The following PLIN2 variants were observed in gnomAD, a reference collection of about 807,000 sequenced individuals.
PLIN2 encodes the protein perilipin 2.
In PLIN2, 33 loss-of-function variants were observed where a neutral mutation model predicts 30.6. The observed-to-expected ratio is 1.08, with a 90% CI of 0.82 to 1.44. PLIN2 has a LOEUF of 1.44. Ranked by LOEUF, PLIN2 falls within the 40% of genes most tolerant of loss-of-function variation. PLIN2 has a pLI of 0.00. For missense variants in PLIN2, 610 were observed against 531.8 expected, an observed-to-expected ratio of 1.15 and a Z score of -1.45; for synonymous variants, 205 against 201.1, an observed-to-expected ratio of 1.02 and a Z score of -0.16.
At chr9:19,118,286 C>T (rs1172999944) in intron 7 of PLIN2, 35 bp downstream of exon 7, 3 of 1,563,010 alleles carry the variant, frequency 1.9e-6, no homozygotes, top group Non-Finnish European at 1.7e-6. Context: ...AGAACTTCTT[C>T]AGCAACCAAC....
Position 19,116,380 on chromosome 9 carries a change from G to A in PLIN2, c.1182C>T (p.Asn394=). ...SLDDVMDYLV[N]NTPLNWLVGP... is the part of the protein sequence containing the mutation. Reference sequence around the variant, plus strand: ...CTACCAGCCAGTTGAGGGGCGTGTTGTTAACAAGATAATCCATCACGTCAT... The same window carrying A: ...CTACCAGCCAGTTGAGGGGCGTGTTATTAACAAGATAATCCATCACGTCAT... Residue 394 remains asparagine (N), a synonymous_variant, in exon 8 of 8, where the codon AAC becomes AAT. Transcript: ENST00000276914. The A allele has an allele frequency of 6.2e-7, 1 of 1,614,186 alleles. No individual in the cohort carries two copies. Among genetic ancestry groups the A allele is most frequent in the Middle Eastern group, 1.7e-4 (1 of 6,058 alleles).
Position 19,126,397 on chromosome 9 carries a change from C to G in PLIN2, c.30G>C (p.Pro10=). 1 of 1,613,852 alleles carries G rather than the reference C, an allele frequency of 6.2e-7. No homozygotes were observed. The highest frequency in any genetic ancestry group is 1.1e-5 in the South Asian group (1 of 91,072). Reference sequence around the variant, plus strand: ...GACAAAGGCTACTCAAAATTCATACCGGTTGTGGATCAACTGCAACGGATG... The same window carrying G: ...GACAAAGGCTACTCAAAATTCATACGGGTTGTGGATCAACTGCAACGGATG... The part of the protein sequence containing the change: MASVAVDPQ[P]SVVTRVVNLP... Residue 10 remains proline, a splice_region_variant and synonymous_variant, in exon 2 of 8, where the codon CCG becomes CCC. Transcript: ENST00000276914.
downstream of PLIN2, chr9:19,115,680 C>T (rs890914198): frequency 2.0e-5 from 3 of 152,224 alleles, no homozygotes; most frequent in African/African-American, 7.2e-5. Context: ...AATTGAAATT[C>T]ATGTATGTAT....
At position 19,116,401 on chromosome 9, in the gene PLIN2, G is replaced by T. The variant is rs764667323; in HGVS notation, c.1161C>A (p.Asp387Glu). 1 of 1,614,206 alleles carries T rather than the reference G, an allele frequency of 6.2e-7. No individual in the cohort carries two copies. Among genetic ancestry groups the T allele is most frequent in the Non-Finnish European group, 8.5e-7 (1 of 1,180,042 alleles). Reference sequence around the variant, plus strand: ...TGTTGTTAACAAGATAATCCATCACGTCATCTAAAGATTCCTTCATTTTCT... The same window carrying T: ...TGTTGTTAACAAGATAATCCATCACTTCATCTAAAGATTCCTTCATTTTCT... ...QLQKMKESLD[D>E]VMDYLVNNTP... The change falls in exon 8 of 8, where the codon GAC becomes GAA. Residue 387 changes from aspartate (D) to glutamate (E), a missense_variant. By Grantham distance (45) the Asp-to-Glu change is conservative (BLOSUM62 2). Coordinates refer to ENST00000276914, the MANE Select transcript of PLIN2 (RefSeq NM_001122.4).
At chr9:19,120,410 T>C (rs545081263) in intron 5 of PLIN2, among the ~76,000 whole-genome samples, 1 of 152,288 alleles carries the variant, frequency 6.6e-6, no homozygotes, top group East Asian at 1.9e-4. Flanking sequence ...GATGATTCTT[T>C]GTAAGGAGGA....
Position 19,115,928 on chromosome 9 carries a change from T to G in PLIN2, c.*320A>C. 1.0e-5 allele frequency: 2 copies of G among 198,118 alleles called. No homozygotes were observed. The highest frequency in any genetic ancestry group is 2.0e-5 in the Non-Finnish European group (2 of 97,578). The allele number at this position is 198,118 out of a possible 1,614,324, so 12.3% of individuals were successfully genotyped here. ...ACACCAGTTTCTACCCCAGCCCACA[T>G]GAAGATGTTTTTATTCAATACAAAC... On this transcript the variant is annotated 3_prime_UTR_variant, in exon 8 of 8. Coordinates refer to ENST00000276914, the MANE Select transcript of PLIN2 (RefSeq NM_001122.4).
rs1818217354 is a variant in PLIN2, at chr9:19,116,129, T to C, written c.*119A>G. 4.5e-6 allele frequency: 4 copies of C among 883,788 alleles called. No homozygotes were observed. The highest frequency in any genetic ancestry group is 5.3e-5 in the Admixed American group (2 of 37,748). The allele number at this position is 883,788 out of a possible 1,614,324, so 54.7% of individuals were successfully genotyped here. On this transcript the variant is annotated 3_prime_UTR_variant, in exon 8 of 8. Transcript: ENST00000276914. ...TTAATTCAGCTGGAAACAACTACAATTGAGGGCCTTTATACTAGCTACTTG... is the reference window on the plus strand; with the variant it reads ...TTAATTCAGCTGGAAACAACTACAACTGAGGGCCTTTATACTAGCTACTTG...
chr9:19,120,916 C>A lies in PLIN2; in HGVS notation c.559G>T (p.Val187Leu). The A allele has an allele frequency of 1.2e-6, 2 of 1,614,112 alleles. No individual in the cohort carries two copies. The highest frequency in any genetic ancestry group is 1.7e-6 in the Non-Finnish European group (2 of 1,179,938). ...TCAGTGAGAGGGAGGTACTGTTCTA[C>A]CAACAGCTCTGATTTGGTGAGTGCA... Reference protein sequence around the residue: ...ENALTKSELLVEQYLPLTEEE... With the variant: ...ENALTKSELLLEQYLPLTEEE... The change falls in exon 5 of 8, where the codon GTA becomes TTA. Residue 187 changes from valine (V) to leucine (L), a missense_variant. Coordinates refer to ENST00000276914, the MANE Select transcript of PLIN2 (RefSeq NM_001122.4).
intron 4 of PLIN2, 105 bp downstream of exon 4, chr9:19,123,460 G>T (rs1360029358): frequency 1.3e-6 from 2 of 1,579,298 alleles, no homozygotes; most frequent in Non-Finnish European, 1.7e-6. Flanking sequence ...ATCCAGGTTG[G>T]GAAAACAAGT....
At chr9:19,109,043 A>G (rs1588638410) in intron 2 of PLIN2, among the ~76,000 whole-genome samples, 1 of 152,164 alleles carries the variant, frequency 6.6e-6, no homozygotes, top group South Asian at 2.1e-4. Flanking sequence ...TTACTTTCTT[A>G]AAAACAATAA....
chr9:19,123,563 A>T lies in PLIN2; in HGVS notation c.309+2T>A. Reference sequence around the variant, plus strand: ...GTCTCAGCACTTTTGTCCCAAGCTCACCTGAGTTGATGGCTGATTCAGAAT... The same window carrying T: ...GTCTCAGCACTTTTGTCCCAAGCTCTCCTGAGTTGATGGCTGATTCAGAAT... On this transcript the variant is annotated splice_donor_variant, in intron 4 of 7. Transcript: ENST00000276914. LOFTEE classifies it high-confidence loss of function. The T allele has an allele frequency of 6.2e-7, 1 of 1,614,190 alleles. No individual in the cohort carries two copies. Among genetic ancestry groups the T allele is most frequent in the East Asian group, 2.2e-5 (1 of 44,886 alleles).
At chr9:19,124,774 T>C (rs1162096083) in intron 3 of PLIN2, among the ~76,000 whole-genome samples, 2 of 152,190 alleles carry the variant, frequency 1.3e-5, no homozygotes, top group East Asian at 3.8e-4. Context: ...AAAACTTGTA[T>C]ACAAATGTTC....
rs533233579 is a variant in PLIN2, at chr9:19,119,563, A to C, written c.777+87T>G. On this transcript the variant is annotated intron_variant, in intron 6 of 7. Coordinates refer to ENST00000276914, the MANE Select transcript of PLIN2 (RefSeq NM_001122.4). ...GGGTTGTTTGTCAACTAAGAATGAAATTCTTGGATTTTGTGATTACATTTA... is the reference window on the plus strand; with the variant it reads ...GGGTTGTTTGTCAACTAAGAATGAACTTCTTGGATTTTGTGATTACATTTA... 1.1e-4 allele frequency: 89 copies of C among 790,178 alleles called. No individual in the cohort carries two copies. In the South Asian group the frequency reaches 2.0e-3, roughly 18 times the overall value. 48.9% of individuals were successfully genotyped at this position (790,178 alleles called of 1,614,324 possible). A position where few individuals can be genotyped will look rare whatever the true frequency, so the allele number is the denominator to read the frequency against.
In PLIN2 at chr9:19,127,040, A is replaced by C. The variant is rs1277289501; in HGVS notation, c.-23+379T>G. The stretch of plus-strand genomic sequence containing the variant: ...CTGGGCGACAGAGCGAGACTCCGTC[A>C]AAAAAAAAATGCGGTTTTCTAACGC... On this transcript the variant is annotated intron_variant, in intron 1 of 7. Transcript: ENST00000276914. This position sits in a 1 kb window ranked among gnomAD's most constrained non-coding sequence, Gnocchi z 4.3. 9.1e-6 allele frequency among the ~76,000 whole-genome samples: 1 copy of C among 109,356 alleles called. No homozygotes were observed. The highest frequency in any genetic ancestry group is 1.8e-5 in the Non-Finnish European group (1 of 54,062). 71.7% of individuals were successfully genotyped at this position (109,356 alleles called of 152,430 possible). A position where few individuals can be genotyped will look rare whatever the true frequency, so the allele number is the denominator to read the frequency against.
downstream of PLIN2, among the ~76,000 whole-genome samples, chr9:19,115,356 AG>A (rs1818205388): frequency 6.9e-6 from 1 of 145,654 alleles, no homozygotes; most frequent in South Asian, 2.1e-4. Flanking sequence ...CGCCCAGGCC[AG>A]AGCGCAGTGG....
At chr9:19,126,504 C>T (rs182894266) in intron 1 of PLIN2, 56 bp from the exon 2 acceptor site, 9 of 1,146,456 alleles carry the variant, frequency 7.9e-6, no homozygotes, top group Non-Finnish European at 1.2e-5. Flanking sequence ...CAAATTCATT[C>T]CCCAACCCAA....
intron 3 of PLIN2, among the ~76,000 whole-genome samples, chr9:19,124,672 G>A (rs1027465940): frequency 2.0e-5 from 3 of 152,114 alleles, no homozygotes; most frequent in African/African-American, 2.4e-5. Context: ...AAAACAGTCT[G>A]GCAGCTCCTC....
rs754907660 is a variant in PLIN2 at position 19,118,305 on chromosome 9, G to A, written c.912+16C>T. 32 of 1,582,428 alleles carry A rather than the reference G, an allele frequency of 2.0e-5. No individual in the cohort carries two copies. Among genetic ancestry groups the A allele is most frequent in the South Asian group, 9.3e-5 (8 of 85,662 alleles). ...CTTCTTCAGCAACCAACAAATGACC[G>A]TCCCAGTCATCTTACCTCAGCACAG... On this transcript the variant is annotated intron_variant, in intron 7 of 7. Transcript: ENST00000276914.
intron 3 of PLIN2, 48 bp downstream of exon 3, chr9:19,126,066 C>T (rs371542285): frequency 6.0e-6 from 9 of 1,506,428 alleles, no homozygotes; most frequent in African/African-American, 5.5e-5. Context: ...CTCAGGGGCT[C>T]GCCACTGACC....
Sources: gnomAD v4.1 joint callset for allele counts (sites outside exome capture counted in the v4.1 genomes callset) on GRCh38, gnomAD v4.1.1 for gene constraint, Gnocchi (gnomAD v3.1) non-coding constraint, MANE v1.5 for transcripts, NCBI Gene and HGNC (gene_info 2026-07-23, HGNC 2026-07-21) for gene names.